The following ST6GALNAC5 variants were observed in gnomAD, a reference collection of about 807,000 sequenced individuals.
ST6GALNAC5 encodes the protein ST6 N-acetylgalactosaminide alpha-2,6-sialyltransferase 5, also known as alpha-N-acetylgalactosaminide alpha-2,6-sialyltransferase 5.
ST6GALNAC5 carries 27 observed loss-of-function variants against 33.6 expected under a neutral mutation model. That is an observed-to-expected ratio of 0.80 (90% CI 0.59 to 1.11). The LOEUF is 1.11. Among genes scored for constraint, ST6GALNAC5 ranks in the 50% least tolerant of loss-of-function variants. The probability of loss-of-function intolerance (pLI) is 0.00; values close to 1 mark genes in which losing one functional copy is unlikely to be tolerated. For missense variants in ST6GALNAC5, 428 were observed against 454.0 expected, an observed-to-expected ratio of 0.94 and a Z score of 0.52; for synonymous variants, 194 against 171.2, an observed-to-expected ratio of 1.13 and a Z score of -1.04.
intron 2 of ST6GALNAC5, among the ~76,000 whole-genome samples, chr1:76,928,936 T>C (rs1012958381): frequency 5.3e-5 from 8 of 152,164 alleles, no homozygotes; most frequent in African/African-American, 1.9e-4. Flanking sequence ...TAACATTTAA[T>C]GGATTCAATT....
At chr1:76,878,854 C>A (rs1653710705) in intron 2 of ST6GALNAC5, among the ~76,000 whole-genome samples, 1 of 152,106 alleles carries the variant, frequency 6.6e-6, no homozygotes, top group Non-Finnish European at 1.5e-5. Flanking sequence ...TTAGCCAATG[C>A]CAGAGCTCTA....
intron 2 of ST6GALNAC5, among the ~76,000 whole-genome samples, chr1:76,887,064 C>T (rs1422642273): frequency 1.3e-5 from 2 of 152,144 alleles, no homozygotes; most frequent in African/African-American, 4.8e-5. Context: ...TCTTCCTTCT[C>T]AGCCACATGG....
intron 4 of ST6GALNAC5, among the ~76,000 whole-genome samples, chr1:77,058,316 T>C (rs984231205): frequency 1.3e-5 from 2 of 152,224 alleles, no homozygotes; most frequent in East Asian, 1.9e-4. Context: ...CCAAATCTCA[T>C]GTTGAAATTT....
chr1:77,021,973 G>A (rs1442249018), intron 2 of ST6GALNAC5, among the ~76,000 whole-genome samples: 1 of 152,152 alleles, frequency 6.6e-6, no homozygotes, highest in African/African-American at 2.4e-5. Flanking sequence ...CACAGATGCT[G>A]TCATGCCATT....
chr1:76,955,912 T>A (rs545368781), intron 2 of ST6GALNAC5, among the ~76,000 whole-genome samples: 1 of 152,284 alleles, frequency 6.6e-6, no homozygotes, highest in East Asian at 1.9e-4. Flanking sequence ...TTGGCTCTTG[T>A]TCTTATGGTT....
At chr1:77,061,522 C>G (rs1162475881) in intron 4 of ST6GALNAC5, among the ~76,000 whole-genome samples, 1 of 152,150 alleles carries the variant, frequency 6.6e-6, no homozygotes, top group Non-Finnish European at 1.5e-5. Flanking sequence ...AAGTGGGAAC[C>G]CTAGGGCATC....
At chr1:76,887,968 C>T (rs1459814246) in intron 2 of ST6GALNAC5, among the ~76,000 whole-genome samples, 1 of 152,088 alleles carries the variant, frequency 6.6e-6, no homozygotes, top group African/African-American at 2.4e-5. Context: ...TGACTAGCTC[C>T]TTCTTAGCTG....
chr1:77,045,632 C>G (rs1473356111), intron 3 of ST6GALNAC5, among the ~76,000 whole-genome samples: 1 of 151,892 alleles, frequency 6.6e-6, no homozygotes, highest in Admixed American at 6.6e-5. Context: ...AAGCTGAGAC[C>G]CAGGGCAATA....
chr1:76,904,530 G>A (rs1646846930), intron 2 of ST6GALNAC5, among the ~76,000 whole-genome samples: 1 of 152,194 alleles, frequency 6.6e-6, no homozygotes, highest in Admixed American at 6.5e-5. Context: ...AATATTGAAT[G>A]AAAAGAGTTA....
chr1:76,934,517 G>C (rs1361341889), intron 2 of ST6GALNAC5, among the ~76,000 whole-genome samples: 1 of 152,008 alleles, frequency 6.6e-6, no homozygotes. Context: ...CAGTGGCTTT[G>C]TCAGTGAGGT....
At chr1:77,028,966 C>T (rs979901004) in intron 2 of ST6GALNAC5, among the ~76,000 whole-genome samples, 2 of 152,144 alleles carry the variant, frequency 1.3e-5, no homozygotes, top group African/African-American at 2.4e-5. Context: ...CAGATGAAGG[C>T]TATTCTAACA....
intron 2 of ST6GALNAC5, among the ~76,000 whole-genome samples, chr1:76,909,650 A>T (rs986974645): frequency 3.3e-5 from 5 of 152,102 alleles, no homozygotes; most frequent in African/African-American, 1.2e-4. Flanking sequence ...TTTGTCTGAA[A>T]TATAAAACAA....
intron 2 of ST6GALNAC5, among the ~76,000 whole-genome samples, chr1:76,882,982 C>T (rs1570636084): frequency 6.6e-6 from 1 of 152,182 alleles, no homozygotes; most frequent in Admixed American, 6.5e-5. Context: ...CTGTTTTGTT[C>T]TTGTCTGCTT....
At chr1:76,990,239 T>A (rs1012663861) in intron 2 of ST6GALNAC5, among the ~76,000 whole-genome samples, 7 of 152,130 alleles carry the variant, frequency 4.6e-5, no homozygotes, top group African/African-American at 1.7e-4. Context: ...TCTGAAGGTA[T>A]TTTTTTCCTT....
At chr1:76,906,615 T>A (rs78046358) in intron 2 of ST6GALNAC5, among the ~76,000 whole-genome samples, 2,762 of 152,280 alleles carry the variant, frequency 0.018, 85 homozygotes, top group African/African-American at 0.062. Flanking sequence ...GACAAGAATT[T>A]ATAAAGATAC....
At chr1:76,980,473 G>T (rs1649203728) in intron 2 of ST6GALNAC5, among the ~76,000 whole-genome samples, 1 of 152,164 alleles carries the variant, frequency 6.6e-6, no homozygotes, top group South Asian at 2.1e-4. Flanking sequence ...CATTATCAAG[G>T]TATATTTTGA....
chr1:76,986,617 A>T (rs1270849866), intron 2 of ST6GALNAC5, among the ~76,000 whole-genome samples: 1 of 152,218 alleles, frequency 6.6e-6, no homozygotes, highest in Non-Finnish European at 1.5e-5. Context: ...TTCCTCAAGG[A>T]TCTAGAACTA....
chr1:76,979,447 A>G (rs1012132448), intron 2 of ST6GALNAC5, among the ~76,000 whole-genome samples: 9 of 152,216 alleles, frequency 5.9e-5, no homozygotes, highest in Non-Finnish European at 1.3e-4. Flanking sequence ...ATAATGAAAC[A>G]GAATAGAGAA....
chr1:77,067,165 C>A lies in ST6GALNAC5; in HGVS notation c.*3959C>A, dbSNP rs1259912310. Among the ~76,000 whole-genome samples, 2 of 149,122 alleles carry A rather than the reference C, an allele frequency of 1.3e-5. No individual in the cohort carries two copies. The highest frequency in any genetic ancestry group is 3.9e-4 in the East Asian group (2 of 5,102). On this transcript the variant is annotated 3_prime_UTR_variant, in exon 5 of 5. Transcript: ENST00000477717. ...AACTATAATAATAAGCCCTGGGGGG[C>A]AGGATGTGTGAACCAATTGCCTAGG... is the stretch of plus-strand genomic sequence containing the variant.
Sources: allele counts gnomAD v4.1 joint callset (sites outside exome capture counted in the v4.1 genomes callset), GRCh38; gene constraint gnomAD v4.1.1; transcripts MANE v1.5; gene names NCBI Gene and HGNC (gene_info 2026-07-23, HGNC 2026-07-21).